Variants in ATP1B3 observed in about 807,000 individuals in gnomAD.
The protein encoded by ATP1B3 is ATPase Na+/K+ transporting subunit beta 3.
ATP1B3 carries 10 observed loss-of-function variants against 30.2 expected under a neutral mutation model. That is an observed-to-expected ratio of 0.33 (90% confidence interval 0.20 to 0.56). The LOEUF (loss-of-function observed/expected upper bound fraction) is 0.56, where lower values mean the gene tolerates loss of function less well. ATP1B3 is among the 20% of genes least tolerant of loss of function. The pLI, the probability that ATP1B3 is intolerant of heterozygous loss-of-function variation, is 0.90. For synonymous variants in ATP1B3, 113 were observed against 117.0 expected, an observed-to-expected ratio of 0.97 and a Z score of 0.22; for missense variants, 238 against 336.7, an observed-to-expected ratio of 0.71 and a Z score of 2.29.
At chr3:141,878,509 C>T (rs77191512) in intron 1 of ATP1B3, among the ~76,000 whole-genome samples, 1,788 of 152,320 alleles carry the variant, frequency 0.012, 17 homozygotes, top group Non-Finnish European at 0.019. Context: ...CCCAGTGCTT[C>T]CTCATTTCCA....
intron 1 of ATP1B3, among the ~76,000 whole-genome samples, chr3:141,891,849 A>T (rs1274261332): frequency 2.9e-5 from 4 of 139,634 alleles, no homozygotes; most frequent in Non-Finnish European, 4.7e-5. Context: ...TGTATTGTTA[A>T]TTTCTAATGT....
chr3:141,891,630 C>T (rs6790923), intron 1 of ATP1B3, among the ~76,000 whole-genome samples: 84,749 of 151,852 alleles, frequency 0.56, 24,202 homozygotes, highest in African/African-American at 0.68. Flanking sequence ...CTTGTGTTTT[C>T]ATCTTAAATC....
At chr3:141,901,462 ATTTGGT>A (rs1934162545) in intron 1 of ATP1B3, among the ~76,000 whole-genome samples, 1 of 152,210 alleles carries the variant, frequency 6.6e-6, no homozygotes, top group Non-Finnish European at 1.5e-5. Flanking sequence ...TAAAAATTAG[ATTTGGT>A]TCTTGGCAGA....
chr3:141,896,577 A>G (rs992376348), intron 1 of ATP1B3, among the ~76,000 whole-genome samples: 2 of 152,082 alleles, frequency 1.3e-5, no homozygotes, highest in Non-Finnish European at 2.9e-5. Flanking sequence ...TATATTCTAG[A>G]TAGGAGTGAG....
chr3:141,909,853 G>A (rs569591705), intron 3 of ATP1B3, among the ~76,000 whole-genome samples: 3 of 152,350 alleles, frequency 2.0e-5, no homozygotes, highest in South Asian at 2.1e-4. Flanking sequence ...AGACTAGAAG[G>A]GGGGAATTGG....
At position 141,890,092 on chromosome 3, in the gene ATP1B3, T is replaced by C. The variant is rs1224421869; in HGVS notation, c.109+13182T>C. Among the ~76,000 whole-genome samples the C allele has an allele frequency of 2.1e-4, 28 of 132,886 alleles. No individual in the cohort carries two copies. In the South Asian group the frequency reaches 2.7e-3, roughly 13 times the overall value. The allele number at this position is 132,886 out of a possible 152,430, so 87.2% of individuals were successfully genotyped here. A position where few individuals can be genotyped will look rare whatever the true frequency, so the allele number is the denominator to read the frequency against. ...CTGTAATCTAATTTTTTTTCTTTTT[T>C]TTTTTTTTTTTTTTTTGAGACAGAG... is the stretch of plus-strand genomic sequence containing the variant. On this transcript the variant is annotated intron_variant, in intron 1 of 6. Transcript: ENST00000286371.
chr3:141,918,012 C>A (rs7639904), intron 5 of ATP1B3, among the ~76,000 whole-genome samples: 43,229 of 151,832 alleles, frequency 0.28, 6,386 homozygotes, highest in African/African-American at 0.34. Context: ...TCGTGATCCG[C>A]CCGCCTCAGC....
chr3:141,885,653 G>T (rs750034206), intron 1 of ATP1B3, among the ~76,000 whole-genome samples: 3 of 151,904 alleles, frequency 2.0e-5, no homozygotes, highest in Non-Finnish European at 4.4e-5. Flanking sequence ...TCATCATATT[G>T]GTCAGGCTGA....
At chr3:141,885,786 C>T (rs1933817542) in intron 1 of ATP1B3, among the ~76,000 whole-genome samples, 1 of 152,048 alleles carries the variant, frequency 6.6e-6, no homozygotes, top group Non-Finnish European at 1.5e-5. Context: ...GATTTAAAAA[C>T]TTGAAGCACC....
Position 141,899,584 on chromosome 3 carries a change from T to G in ATP1B3, c.110-4036T>G, listed in dbSNP as rs147264979. On this transcript the variant is annotated intron_variant, in intron 1 of 6. Coordinates refer to ENST00000286371, the MANE Select transcript of ATP1B3 (RefSeq NM_001679.4). The stretch of plus-strand genomic sequence containing the variant: ...TGCTGGTGTTGCATAATAAAGAATT[T>G]GTTGGCTGGATGCAGTGGCTCACGC... Among the ~76,000 whole-genome samples, 679 of 152,262 alleles carry G rather than the reference T, an allele frequency of 4.5e-3. 3 individuals are homozygous for G. The highest frequency in any genetic ancestry group is 7.8e-3 in the Non-Finnish European group (530 of 68,012).
chr3:141,884,698 G>C (rs1171886847), intron 1 of ATP1B3, among the ~76,000 whole-genome samples: 2 of 152,162 alleles, frequency 1.3e-5, no homozygotes, highest in Non-Finnish European at 2.9e-5. Flanking sequence ...TTTCTCCCGT[G>C]CTGGATGCTT....
chr3:141,903,881 A>G (rs770150861), intron 2 of ATP1B3, 133 bp downstream of exon 2: 58 of 1,060,306 alleles, frequency 5.5e-5, no homozygotes, highest in Non-Finnish European at 7.6e-5. Flanking sequence ...TCCCAGGTTC[A>G]AGCGATTCTC....
Position 141,901,070 on chromosome 3 carries a change from A to C in ATP1B3, c.110-2550A>C, listed in dbSNP as rs111243185. Among the ~76,000 whole-genome samples the C allele has an allele frequency of 6.9e-3, 1,046 of 152,350 alleles. 11 individuals carry two copies. The highest frequency in any genetic ancestry group is 0.024 in the African/African-American group (987 of 41,576). The stretch of plus-strand genomic sequence containing the variant: ...AGTGCTGGGATTACAGGCGTGAGCC[A>C]CTGCACCTGGCCCATGTTAGTTTCT... On this transcript the variant is annotated intron_variant, in intron 1 of 6. Transcript: ENST00000286371.
chr3:141,920,689 T>C (rs953136448), intron 5 of ATP1B3, among the ~76,000 whole-genome samples: 5 of 152,188 alleles, frequency 3.3e-5, no homozygotes, highest in South Asian at 2.1e-4. Flanking sequence ...AGCACTGATA[T>C]CAGAGTGACT....
chr3:141,880,698 G>T (rs1382677600), intron 1 of ATP1B3, among the ~76,000 whole-genome samples: 1 of 152,072 alleles, frequency 6.6e-6, no homozygotes, highest in Admixed American at 6.6e-5. Context: ...TGAAGCTTTT[G>T]TGTATTTTGC....
chr3:141,903,939 C>T (rs1199146812), intron 2 of ATP1B3, among the ~76,000 whole-genome samples, 191 bp downstream of exon 2: 2 of 152,138 alleles, frequency 1.3e-5, no homozygotes, highest in African/African-American at 2.4e-5. Context: ...CATGCGCCAC[C>T]ACGCCCGGCT....
intron 1 of ATP1B3, among the ~76,000 whole-genome samples, chr3:141,890,086 CT>C (rs1245235657): frequency 0.31 from 33,086 of 107,566 alleles, 4,405 homozygotes; most frequent in Middle Eastern, 0.39. Context: ...AATTTTTTTT[CT>C]TTTTTTTTTT....
chr3:141,899,396 A>C (rs1934122044), intron 1 of ATP1B3, among the ~76,000 whole-genome samples: 1 of 152,138 alleles, frequency 6.6e-6, no homozygotes, highest in Middle Eastern at 3.2e-3. Flanking sequence ...AGTCATCAGT[A>C]TTTTCTGAGA....
chr3:141,878,336 TGAA>T (rs1238069106), intron 1 of ATP1B3, among the ~76,000 whole-genome samples: 2 of 152,244 alleles, frequency 1.3e-5, no homozygotes, highest in Non-Finnish European at 2.9e-5. Context: ...ACTAGTGTGA[TGAA>T]GAAATAAATC....
Sources: allele counts gnomAD v4.1 joint callset (sites outside exome capture counted in the v4.1 genomes callset), GRCh38; gene constraint gnomAD v4.1.1; transcripts MANE v1.5; gene names NCBI Gene and HGNC (gene_info 2026-07-23, HGNC 2026-07-21).